The following DCDC2C variants were observed in gnomAD, a reference collection of about 807,000 sequenced individuals.
DCDC2C encodes doublecortin domain containing 2C.
DCDC2C carries 44 observed loss-of-function variants against 45.0 expected under a neutral mutation model. The ratio of observed to expected loss-of-function variants is 0.98; its 90% CI spans 0.77 to 1.26. The LOEUF (loss-of-function observed/expected upper bound fraction) is 1.26, where lower values mean the gene tolerates loss of function less well. DCDC2C is among the 50% of genes most tolerant of loss of function. DCDC2C has a pLI of 0.00. For missense variants in DCDC2C, 447 were observed against 468.9 expected (o/e 0.95, Z 0.43); for synonymous variants, 187 against 178.8 (o/e 1.05, Z -0.37).
intron 10 of DCDC2C, among the ~76,000 whole-genome samples, chr2:3,816,239 A>G (rs1353632564): frequency 6.6e-6 from 1 of 152,224 alleles, no homozygotes; most frequent in African/African-American, 2.4e-5. Flanking sequence ...TCCGAATAAG[A>G]GAAGGAGAAA....
chr2:3,814,751 G>A (rs1361869030), intron 10 of DCDC2C, among the ~76,000 whole-genome samples: 1 of 152,254 alleles, frequency 6.6e-6, no homozygotes, highest in African/African-American at 2.4e-5. Flanking sequence ...GGAGTTACTG[G>A]AGTTCCTACA....
intron 2 of DCDC2C, among the ~76,000 whole-genome samples, chr2:3,725,487 C>T (rs1170254606): frequency 4.6e-5 from 4 of 86,428 alleles, no homozygotes; most frequent in African/African-American, 4.1e-5. Context: ...CAGAGGAAGA[C>T]GAGCAGAGAG....
At chr2:3,731,578 T>A (rs1668868603) in intron 3 of DCDC2C, among the ~76,000 whole-genome samples, 1 of 152,188 alleles carries the variant, frequency 6.6e-6, no homozygotes, top group South Asian at 2.1e-4. Context: ...CGCCTTTTAG[T>A]CCTGTTTAAC....
chr2:3,818,521 T>G lies in DCDC2C; in HGVS notation c.1066-28633T>G, dbSNP rs1671608607. Among the ~76,000 whole-genome samples, 1 of 152,204 alleles carries G rather than the reference T, an allele frequency of 6.6e-6. No individual in the cohort carries two copies. The highest frequency in any genetic ancestry group is 6.5e-5 in the Admixed American group (1 of 15,282). On this transcript the variant is annotated intron_variant, in intron 10 of 10. Transcript: ENST00000399143. This position sits in a 1 kb window ranked among gnomAD's most constrained non-coding sequence, Gnocchi z 4.7. ...CAGATCCTGAACTAACATGTAAGGC[T>G]TGTCCAGTTTTTGGACAGGTACAAT...
intron 10 of DCDC2C, among the ~76,000 whole-genome samples, chr2:3,790,404 C>T (rs1670772984): frequency 6.6e-6 from 1 of 152,188 alleles, no homozygotes; most frequent in South Asian, 2.1e-4. Flanking sequence ...GATGAAAACA[C>T]CATTTCAGCA....
At chr2:3,725,196 G>T (rs369293906) in intron 2 of DCDC2C, among the ~76,000 whole-genome samples, 2 of 152,154 alleles carry the variant, frequency 1.3e-5, no homozygotes, top group East Asian at 3.9e-4. Flanking sequence ...GCTTAGTGCC[G>T]GCGGGGGCGA....
intron 2 of DCDC2C, among the ~76,000 whole-genome samples, 176 bp from the exon 3 acceptor site, chr2:3,726,827 C>A (rs561004525): frequency 1.3e-5 from 2 of 152,254 alleles, no homozygotes; most frequent in East Asian, 3.9e-4. Flanking sequence ...CTTCTCCTCC[C>A]CCAGCACCTG....
At chr2:3,787,228 A>G (rs1670679881) in intron 10 of DCDC2C, among the ~76,000 whole-genome samples, 1 of 152,228 alleles carries the variant, frequency 6.6e-6, no homozygotes, top group African/African-American at 2.4e-5. Flanking sequence ...TTACTCTTTT[A>G]AAGGGAATAT....
chr2:3,822,045 AT>A (rs1429348477), intron 10 of DCDC2C, among the ~76,000 whole-genome samples: 1 of 152,172 alleles, frequency 6.6e-6, no homozygotes, highest in Non-Finnish European at 1.5e-5. Flanking sequence ...GGATTTGCCT[AT>A]TATCAGTGTT....
intron 10 of DCDC2C, among the ~76,000 whole-genome samples, chr2:3,825,716 G>GACTTATT (rs1371723241): frequency 1.3e-5 from 2 of 152,138 alleles, no homozygotes; most frequent in African/African-American, 2.4e-5. Flanking sequence ...TATTTAGACA[G>GACTTATT]TGGGGATCCT....
intron 3 of DCDC2C, among the ~76,000 whole-genome samples, chr2:3,738,539 GGAAAAAAAAAAAAAAA>G (rs1270876357): frequency 3.6e-5 from 2 of 55,256 alleles, no homozygotes; most frequent in East Asian, 6.1e-4. Flanking sequence ...GGTCTATCTG[GGAAAAAAAAAAAAAAA>G]AAAAAAAAAA....
rs113129952 is a variant in DCDC2C at position 3,753,794 on chromosome 2, G to T, written c.684-798G>T. Among the ~76,000 whole-genome samples, 601 of 152,266 alleles carry T rather than the reference G, an allele frequency of 3.9e-3. 5 individuals carry two copies. Among genetic ancestry groups the T allele is most frequent in the African/African-American group, 0.014 (570 of 41,548 alleles). ...TCCTATTCTGGTTCACGTGCTGCTA[G>T]GGTTTGTACCTCAAGGCAGAGAAAG... On this transcript the variant is annotated intron_variant, in intron 5 of 10. Transcript: ENST00000399143.
At chr2:3,752,059 C>T (rs181274130) in intron 4 of DCDC2C, among the ~76,000 whole-genome samples, 1 of 152,264 alleles carries the variant, frequency 6.6e-6, no homozygotes, top group East Asian at 1.9e-4. Context: ...CCTGCCGACC[C>T]TGTTGCAAGT....
intron 3 of DCDC2C, among the ~76,000 whole-genome samples, chr2:3,727,725 T>A (rs1668735838): frequency 6.6e-6 from 1 of 152,218 alleles, no homozygotes; most frequent in African/African-American, 2.4e-5. Context: ...ACACTTGACT[T>A]GAACGAAACG....
At chr2:3,787,816 A>G (rs1200602273) in intron 10 of DCDC2C, among the ~76,000 whole-genome samples, 1 of 152,240 alleles carries the variant, frequency 6.6e-6, no homozygotes, top group East Asian at 1.9e-4. Context: ...AGTATTAAGA[A>G]GGTTGAAACT....
At position 3,847,225 on chromosome 2, in the gene DCDC2C, A is replaced by G. The variant is rs768456094; in HGVS notation, c.*42A>G. The G allele has an allele frequency of 4.1e-6, 5 of 1,211,564 alleles. No homozygotes were observed. The highest frequency in any genetic ancestry group is 1.6e-5 in the African/African-American group (1 of 64,108). The allele number at this position is 1,211,564 out of a possible 1,614,324, so 75.1% of individuals were successfully genotyped here. On this transcript the variant is annotated 3_prime_UTR_variant, in exon 11 of 11. Transcript: ENST00000399143. ...ATTACCTGAAGTCCACTTTTCTTCAACCATGGGGCTTCCACGTCACATATG... is the reference window on the plus strand; with the variant it reads ...ATTACCTGAAGTCCACTTTTCTTCAGCCATGGGGCTTCCACGTCACATATG...
At chr2:3,762,472 G>A (rs1234560487) in intron 6 of DCDC2C, among the ~76,000 whole-genome samples, 1 of 152,194 alleles carries the variant, frequency 6.6e-6, no homozygotes, top group Non-Finnish European at 1.5e-5. Context: ...GGTTCTGCAG[G>A]AAGCATGGGA....
intron 8 of DCDC2C, among the ~76,000 whole-genome samples, chr2:3,773,103 G>A (rs1251129493): frequency 6.6e-6 from 1 of 152,128 alleles, no homozygotes; most frequent in African/African-American, 2.4e-5. Flanking sequence ...TGAATAGGAC[G>A]GAAGGCTTAG....
At chr2:3,845,446 G>T (rs774781139) in intron 10 of DCDC2C, among the ~76,000 whole-genome samples, 1 of 152,198 alleles carries the variant, frequency 6.6e-6, no homozygotes, top group South Asian at 2.1e-4. Flanking sequence ...TTAAAGATCA[G>T]ACCAGTTTCA....
Sources: gnomAD v4.1 joint callset for allele counts (sites outside exome capture counted in the v4.1 genomes callset) on GRCh38, gnomAD v4.1.1 for gene constraint, Gnocchi (gnomAD v3.1) non-coding constraint, MANE v1.5 for transcripts, NCBI Gene and HGNC (gene_info 2026-07-23, HGNC 2026-07-21) for gene names.